ACVR1B: variants seen among roughly 807,000 people sequenced by gnomAD.
The protein encoded by ACVR1B is activin A receptor type 1B.
Under a neutral mutation model 55.6 loss-of-function variants are expected in ACVR1B, and 15 were observed. That is an observed-to-expected ratio of 0.27 (90% CI 0.18 to 0.42). The LOEUF (loss-of-function observed/expected upper bound fraction) is 0.42, where lower values mean the gene tolerates loss of function less well. ACVR1B is among the 10% of genes least tolerant of loss of function. ACVR1B has a pLI of 1.00. For missense variants in ACVR1B, 359 were observed against 670.1 expected (o/e 0.54, Z 5.13); for synonymous variants, 247 against 254.6 (o/e 0.97, Z 0.28).
intron 3 of ACVR1B, among the ~76,000 whole-genome samples, chr12:51,978,008 G>T (rs1941901754): frequency 6.6e-6 from 1 of 151,976 alleles, no homozygotes; most frequent in African/African-American, 2.4e-5. Context: ...GGGAAATTAT[G>T]CCATCAGTCA....
intron 1 of ACVR1B, among the ~76,000 whole-genome samples, chr12:51,968,130 G>A (rs1941676433): frequency 6.6e-6 from 1 of 152,228 alleles, no homozygotes; most frequent in South Asian, 2.1e-4. Context: ...CAGCAACTTG[G>A]GAGGCTGAGG....
At chr12:51,986,757 T>G in intron 6 of ACVR1B, 61 bp from the exon 7 acceptor site, 2 of 1,553,752 alleles carry the variant, frequency 1.3e-6, no homozygotes, top group South Asian at 2.5e-5. Flanking sequence ...AATCAATACT[T>G]TGATTTAAAG....
In ACVR1B at chr12:51,981,195, TA is replaced by T; in HGVS notation, c.810del (p.Asp271IlefsTer24). On this transcript the variant is annotated frameshift_variant, in exon 4 of 9. Transcript: ENST00000257963. LOFTEE classifies it high-confidence loss of function. Reference sequence around the variant, plus strand: ...TCCTTGGATTTATTGCTGCTGACAATAAAGGTAAGGGCTGGGCTTGGATACA... The same window carrying T: ...TCCTTGGATTTATTGCTGCTGACAATAAGGTAAGGGCTGGGCTTGGATACA... ...NILGFIAADN[K>X]DNGTWTQLWL... 6.2e-7 allele frequency: 1 copy of T among 1,613,758 alleles called. No individual in the cohort carries two copies. The highest frequency in any genetic ancestry group is 8.5e-7 in the Non-Finnish European group (1 of 1,179,774).
At chr12:51,952,491 C>G (rs1941321014) in intron 1 of ACVR1B, among the ~76,000 whole-genome samples, 1 of 152,222 alleles carries the variant, frequency 6.6e-6, no homozygotes, top group African/African-American at 2.4e-5. Context: ...CCCTCCGGCA[C>G]TCATGCCCCG....
Position 51,985,368 on chromosome 12 carries a change from T to C in ACVR1B, c.1136+20T>C, listed in dbSNP as rs1171237478. On this transcript the variant is annotated intron_variant, in intron 6 of 8. Coordinates refer to ENST00000257963, the MANE Select transcript of ACVR1B (RefSeq NM_004302.5). ...CAAACGGTAGGAGGGCCTGGGACTC[T>C]GCCCTTGCTAAGCAGCTTCTACTGA... 1.3e-6 allele frequency: 2 copies of C among 1,596,292 alleles called. No individual in the cohort carries two copies. The highest frequency in any genetic ancestry group is 1.7e-6 in the Non-Finnish European group (2 of 1,172,228).
rs748177354 is a variant in ACVR1B, at chr12:51,975,503, T to G, written c.330T>G (p.Ser110Arg). The change falls in exon 2 of 9, where the codon AGT (serine) becomes AGG (arginine). Residue 110 changes from serine (S) to arginine (R), a missense_variant and splice_region_variant. Transcript: ENST00000257963. ...ACAGGATCGACTTGAGGGTGCCCAG[T>G]GGTGAGTGCATGCCCTTGTTGGGCT... is the stretch of plus-strand genomic sequence containing the variant. ...YCNRIDLRVP[S>R]GHLKEPEHPS... The G allele has an allele frequency of 1.2e-6, 2 of 1,613,552 alleles. No homozygotes were observed. The highest frequency in any genetic ancestry group is 2.2e-5 in the South Asian group (2 of 91,070).
At chr12:51,956,595 G>A (rs1169817365) in intron 1 of ACVR1B, among the ~76,000 whole-genome samples, 3 of 151,842 alleles carry the variant, frequency 2.0e-5, no homozygotes, top group Non-Finnish European at 2.9e-5. Context: ...TCTGTAAAAT[G>A]GGGCTAATAC....
At chr12:51,993,377 C>G (rs184077373) in intron 8 of ACVR1B, among the ~76,000 whole-genome samples, 2 of 152,294 alleles carry the variant, frequency 1.3e-5, no homozygotes, top group East Asian at 3.9e-4. Context: ...CCTTGGAACC[C>G]TCAGGGCAGG....
At chr12:51,980,937 T>C in intron 3 of ACVR1B, 32 bp from the exon 4 acceptor site, 1 of 1,550,868 alleles carries the variant, frequency 6.4e-7, no homozygotes, top group Non-Finnish European at 8.7e-7. Flanking sequence ...AAATTTGCAA[T>C]GTCAGGTTTC....
chr12:51,986,987 G>T (rs1942091801), intron 7 of ACVR1B, 45 bp downstream of exon 7: 5 of 1,613,974 alleles, frequency 3.1e-6, no homozygotes, highest in Non-Finnish European at 4.2e-6. Context: ...ATTCCAGGAT[G>T]CTGGATCACC....
chr12:51,996,151 CA>C lies in ACVR1B; in HGVS notation c.*2042del, dbSNP rs373159772. On this transcript the variant is annotated 3_prime_UTR_variant, in exon 9 of 9. Coordinates refer to ENST00000257963, the MANE Select transcript of ACVR1B (RefSeq NM_004302.5). ...CCCACAACCCCCTCCACAAAGAGAC[CA>C]GGGGCGGGTGATGAGACCTGGGGTT... 8.5e-4 allele frequency: 130 copies of C among 152,444 alleles called. 4 individuals carry two copies. The East Asian group carries it at 0.018, about 21-fold the overall frequency. The allele number at this position is 152,444 out of a possible 1,614,324, so 9.4% of individuals were successfully genotyped here. A position where few individuals can be genotyped will look rare whatever the true frequency, so the allele number is the denominator to read the frequency against.
intron 1 of ACVR1B, among the ~76,000 whole-genome samples, chr12:51,961,154 A>G (rs11169965): frequency 0.024 from 3,611 of 152,104 alleles, 128 homozygotes; most frequent in African/African-American, 0.074. Context: ...CTCAGCCTGT[A>G]TTGGTAGTTG....
chr12:51,993,318 T>G (rs547106477), intron 8 of ACVR1B, among the ~76,000 whole-genome samples: 1 of 152,242 alleles, frequency 6.6e-6, no homozygotes, highest in African/African-American at 2.4e-5. Context: ...AATTGCATAT[T>G]AGCTGATGCT....
chr12:51,986,922 C>A lies in ACVR1B; in HGVS notation c.1241C>A (p.Ala414Asp), dbSNP rs1942090606. The A allele has an allele frequency of 6.2e-7, 1 of 1,614,088 alleles. No homozygotes were observed. The highest frequency in any genetic ancestry group is 1.7e-5 in the Admixed American group (1 of 60,002). Reference sequence around the variant, plus strand: ...CTCGGGCTTGTATATTGGGAGATTGCTCGAAGATGCAATTCTGGAGGTACC... The same window carrying A: ...CTCGGGCTTGTATATTGGGAGATTGATCGAAGATGCAATTCTGGAGGTACC... ...YALGLVYWEI[A>D]RRCNSGGVHE... The change falls in exon 7 of 9, where the codon GCT (alanine) becomes GAT (aspartate). Residue 414 changes from alanine to aspartate, a missense_variant. By Grantham distance (126) the Ala-to-Asp change is moderately radical. Coordinates refer to ENST00000257963, the MANE Select transcript of ACVR1B (RefSeq NM_004302.5).
At chr12:51,970,714 A>C (rs1941730466) in intron 1 of ACVR1B, among the ~76,000 whole-genome samples, 1 of 152,080 alleles carries the variant, frequency 6.6e-6, no homozygotes. Context: ...AAGAGTGCTG[A>C]GAAGCAGTTT....
chr12:51,976,413 CTCA>C lies in ACVR1B; in HGVS notation c.429_431del (p.Ile144del). ...CGCCGGCCCGGTGTTCCTCCTGTTC[CTCA>C]TCATCATCATTGTTTTCCTTGTCAT... On this transcript the variant is annotated inframe_deletion, in exon 3 of 9. Transcript: ENST00000257963. 1 of 1,614,120 alleles carries C rather than the reference CTCA, an allele frequency of 6.2e-7. No individual in the cohort carries two copies. The highest frequency in any genetic ancestry group is 8.5e-7 in the Non-Finnish European group (1 of 1,180,024).
intron 8 of ACVR1B, 173 bp downstream of exon 8, chr12:51,992,166 C>A: frequency 1.2e-6 from 1 of 830,482 alleles, no homozygotes. Context: ...AGTCTCTTGT[C>A]CTGGACCCTG....
Position 51,962,695 on chromosome 12 carries a change from T to A in ACVR1B, c.91+10861T>A, listed in dbSNP as rs149067551. 8.0e-4 allele frequency among the ~76,000 whole-genome samples: 122 copies of A among 152,342 alleles called. 1 individual carries two copies. Among genetic ancestry groups the A allele is most frequent in the South Asian group, 1.4e-3 (7 of 4,830 alleles). On this transcript the variant is annotated intron_variant, in intron 1 of 8. Transcript: ENST00000257963. ...AGTGCCAGACATTTTTTAACCTGAT[T>A]CAGATTTTCATAAACATTTTGGCAG...
intron 1 of ACVR1B, among the ~76,000 whole-genome samples, chr12:51,959,484 A>G (rs979098947): frequency 1.3e-5 from 2 of 152,236 alleles, no homozygotes; most frequent in African/African-American, 4.8e-5. Flanking sequence ...GATCTTGTCA[A>G]CAACCAGTAA....
Sources: allele counts gnomAD v4.1 joint callset (sites outside exome capture counted in the v4.1 genomes callset), GRCh38; gene constraint gnomAD v4.1.1; transcripts MANE v1.5; gene names NCBI Gene and HGNC (gene_info 2026-07-23, HGNC 2026-07-21).